PAX7: variants seen among roughly 807,000 people sequenced by gnomAD.
PAX7 encodes the protein paired box protein Pax-7.
Under a neutral mutation model 50.7 loss-of-function variants are expected in PAX7, and 18 were observed. The observed-to-expected ratio is 0.36, with a 90% CI of 0.25 to 0.53. PAX7 has a LOEUF of 0.53. PAX7 is among the 20% of genes least tolerant of loss of function. PAX7 has a pLI of 0.93. For missense variants in PAX7, 644 were observed against 702.9 expected (o/e 0.92, Z 0.95); for synonymous variants, 310 against 290.4 (o/e 1.07, Z -0.69).
chr1:18,660,285 C>T (rs112311503), intron 4 of PAX7, among the ~76,000 whole-genome samples: 1,590 of 152,222 alleles, frequency 0.01, 26 homozygotes, highest in African/African-American at 0.035. Flanking sequence ...CAGGTGACAC[C>T]ACTCCAACCC....
rs1557527117 is a variant in PAX7, at chr1:18,681,732, T to TTTATTTTATTTTATTTTATG, written c.587-10003_587-10002insGTTATTTTATTTTATTTTAT. On this transcript the variant is annotated intron_variant, in intron 4 of 8. Transcript: ENST00000420770. ...TTTATTTTATTTTATTTTATTTTAT[T>TTTATTTTATTTTATTTTATG]TTATTTTATTTTATTTTATTTTTAT... Among the ~76,000 whole-genome samples the TTTATTTTATTTTATTTTATG allele has an allele frequency of 1.1e-4, 16 of 144,280 alleles. No homozygotes were observed. The East Asian group carries it at 1.8e-3, about 16-fold the overall frequency. 94.7% of individuals were successfully genotyped at this position (144,280 alleles called of 152,430 possible). A position where few individuals can be genotyped will look rare whatever the true frequency, so the allele number is the denominator to read the frequency against.
At chr1:18,709,985 T>C (rs760001543) in intron 7 of PAX7, among the ~76,000 whole-genome samples, 1 of 152,230 alleles carries the variant, frequency 6.6e-6, no homozygotes, top group Non-Finnish European at 1.5e-5. Context: ...TATTTGTGAA[T>C]GGGGTCTCCT....
intron 4 of PAX7, among the ~76,000 whole-genome samples, chr1:18,673,960 G>T (rs539963673): frequency 3.3e-5 from 5 of 152,364 alleles, no homozygotes; most frequent in African/African-American, 1.2e-4. Context: ...GGCTTCCAGC[G>T]TGGGGCCAGG....
chr1:18,676,712 A>T (rs1304902381), intron 4 of PAX7, among the ~76,000 whole-genome samples: 1 of 152,108 alleles, frequency 6.6e-6, no homozygotes, highest in East Asian at 1.9e-4. Context: ...TGCACACGCA[A>T]CTTAGGATCA....
intron 8 of PAX7, among the ~76,000 whole-genome samples, chr1:18,742,587 G>T (rs1285022519): frequency 6.6e-6 from 1 of 152,214 alleles, no homozygotes; most frequent in Non-Finnish European, 1.5e-5. Context: ...CTCACACAGA[G>T]TAAGGGGCAG....
chr1:18,687,552 C>T lies in PAX7; in HGVS notation c.587-4202C>T, dbSNP rs896833625. 3.3e-5 allele frequency among the ~76,000 whole-genome samples: 5 copies of T among 152,232 alleles called. No individual in the cohort carries two copies. The South Asian group carries it at 6.2e-4, about 19-fold the overall frequency. On this transcript the variant is annotated intron_variant, in intron 4 of 8. Coordinates refer to ENST00000420770, the MANE Select transcript of PAX7 (RefSeq NM_001135254.2). ...GAGTCAATAGTCCCTGCTTCACAGA[C>T]CTATGAAGGCTGGCACAGAGGTTTC... is the stretch of plus-strand genomic sequence containing the variant.
At position 18,691,776 on chromosome 1, in the gene PAX7, G is replaced by C; in HGVS notation, c.609G>C (p.Ser203=). The stretch of plus-strand genomic sequence containing the variant: ...TAGGGAACCGGCTGGACGAGGGCTC[G>C]GATGTGGAGTCGGAACCTGACCTCC... ...GDKGNRLDEG[S]DVESEPDLPL... The change falls in exon 5 of 9, where the codon TCG becomes TCC. Residue 203 remains serine (S), a synonymous_variant. Transcript: ENST00000420770. 5 of 1,592,016 alleles carry C rather than the reference G, an allele frequency of 3.1e-6. No homozygotes were observed. Among genetic ancestry groups the C allele is most frequent in the Non-Finnish European group, 8.5e-7 (1 of 1,169,924 alleles).
In PAX7 at chr1:18,684,203, G is replaced by A. The variant is rs578126314; in HGVS notation, c.587-7551G>A. Among the ~76,000 whole-genome samples the A allele has an allele frequency of 1.6e-4, 25 of 152,316 alleles. 1 individual carries two copies. The South Asian group carries it at 5.0e-3, about 30-fold the overall frequency. The stretch of plus-strand genomic sequence containing the variant: ...GAGTCCAGGAAGAGATGGGGTGGGC[G>A]GATGCCAGGACAGGTTCCAAGCTAA... On this transcript the variant is annotated intron_variant, in intron 4 of 8. Coordinates refer to ENST00000420770, the MANE Select transcript of PAX7 (RefSeq NM_001135254.2).
intron 7 of PAX7, among the ~76,000 whole-genome samples, chr1:18,720,890 G>A (rs2089485038): frequency 6.6e-6 from 1 of 151,984 alleles, no homozygotes; most frequent in South Asian, 2.1e-4. Context: ...GATGGAGGGG[G>A]GACCCAGAGC....
intron 1 of PAX7, among the ~76,000 whole-genome samples, chr1:18,633,859 C>T (rs941449890): frequency 6.6e-6 from 1 of 152,358 alleles, no homozygotes; most frequent in South Asian, 2.1e-4. Flanking sequence ...ATTGGCCTCT[C>T]CAAGACGCAG....
rs946966664 is a variant in PAX7 at position 18,735,536 on chromosome 1, A to C, written c.1156-96A>C. 1 of 1,528,722 alleles carries C rather than the reference A, an allele frequency of 6.5e-7. No individual in the cohort carries two copies. The highest frequency in any genetic ancestry group is 1.4e-5 in the African/African-American group (1 of 72,444). The allele number at this position is 1,528,722 out of a possible 1,614,324, so 94.7% of individuals were successfully genotyped here. A position where few individuals can be genotyped will look rare whatever the true frequency, so the allele number is the denominator to read the frequency against. On this transcript the variant is annotated intron_variant, in intron 7 of 8. Transcript: ENST00000420770. This position sits in a 1 kb window ranked among gnomAD's most constrained non-coding sequence, Gnocchi z 4.0. ...AGACTTCAAGGGAACAACTCTGGCA[A>C]AGAGTGTTCCAGGGCCAGCCTGGCA...
chr1:18,733,379 C>T (rs1256098758), intron 7 of PAX7, among the ~76,000 whole-genome samples: 3 of 152,178 alleles, frequency 2.0e-5, no homozygotes, highest in Non-Finnish European at 2.9e-5. Context: ...AGACCCTCCC[C>T]AGCCCAGCCT....
chr1:18,646,318 G>T (rs935013567), intron 4 of PAX7, among the ~76,000 whole-genome samples: 2 of 152,152 alleles, frequency 1.3e-5, no homozygotes, highest in Non-Finnish European at 2.9e-5. Flanking sequence ...CCATACAGGG[G>T]ACACAGAGAG....
Position 18,631,618 on chromosome 1 carries a change from C to T in PAX7, c.15C>T (p.Pro5=), listed in dbSNP as rs758262026. The change falls in exon 1 of 9, where the codon CCC becomes CCT. Residue 5 remains proline (P), a synonymous_variant. Transcript: ENST00000420770. MAAL[P]GTVPRMMRPA... ...CGTGCGCAAGAATGGCGGCCCTTCC[C>T]GGCACGGTACCGAGAATGATGCGGC... 6 of 1,612,462 alleles carry T rather than the reference C, an allele frequency of 3.7e-6. No homozygotes were observed. The highest frequency in any genetic ancestry group is 1.1e-5 in the South Asian group (1 of 90,568).
rs1357293768 is a variant in PAX7, at chr1:18,631,062, G to C, written c.-542G>C. 4.4e-6 allele frequency: 1 copy of C among 229,448 alleles called. No individual in the cohort carries two copies. Among genetic ancestry groups the C allele is most frequent in the African/African-American group, 2.2e-5 (1 of 45,070 alleles). 14.2% of individuals were successfully genotyped at this position (229,448 alleles called of 1,614,324 possible). ...GTCCGGAGAAAGAAGGCGTGGAGAA[G>C]AGGGAGGGAGCGAGAGCGAGAGAAT... On this transcript the variant is annotated 5_prime_UTR_variant, in exon 1 of 9. Coordinates refer to ENST00000420770, the MANE Select transcript of PAX7 (RefSeq NM_001135254.2).
intron 4 of PAX7, among the ~76,000 whole-genome samples, chr1:18,647,245 G>A (rs1421301961): frequency 6.6e-6 from 1 of 152,218 alleles, no homozygotes; most frequent in African/African-American, 2.4e-5. Context: ...TGCCGCCTGG[G>A]CTGGGTTGCT....
At chr1:18,693,123 A>G (rs972836334) in intron 5 of PAX7, among the ~76,000 whole-genome samples, 2 of 152,188 alleles carry the variant, frequency 1.3e-5, no homozygotes, top group African/African-American at 4.8e-5. Context: ...TGTCTTCTGC[A>G]TGGATTGGGA....
In PAX7 at chr1:18,700,417, T is replaced by C. The variant is rs953145934; in HGVS notation, c.787-236T>C. ...CCACTTTCTTTGGGTCTTGGTTTCCTCATCTGTAAAATGGGGATAATATAG... is the reference window on the plus strand; with the variant it reads ...CCACTTTCTTTGGGTCTTGGTTTCCCCATCTGTAAAATGGGGATAATATAG... On this transcript the variant is annotated intron_variant, in intron 5 of 8. Transcript: ENST00000420770. The surrounding 1 kb of genome is among the most constrained non-coding windows in gnomAD (Gnocchi z 4.8). 3.3e-5 allele frequency among the ~76,000 whole-genome samples: 5 copies of C among 152,092 alleles called. No homozygotes were observed. Among genetic ancestry groups the C allele is most frequent in the Admixed American group, 3.3e-4 (5 of 15,266 alleles).
chr1:18,657,153 A>G (rs1463636427), intron 4 of PAX7, among the ~76,000 whole-genome samples: 1 of 152,054 alleles, frequency 6.6e-6, no homozygotes, highest in East Asian at 1.9e-4. Context: ...CAGGCAGCGC[A>G]CAATCAGGGG....
Sources: gnomAD v4.1 joint callset for allele counts (sites outside exome capture counted in the v4.1 genomes callset) on GRCh38, gnomAD v4.1.1 for gene constraint, Gnocchi (gnomAD v3.1) non-coding constraint, MANE v1.5 for transcripts, NCBI Gene and HGNC (gene_info 2026-07-23, HGNC 2026-07-21) for gene names.